The following RTN4RL1 variants were observed in gnomAD, a reference collection of about 807,000 sequenced individuals.
The protein encoded by RTN4RL1 is reticulon 4 receptor like 1.
In RTN4RL1, 7 loss-of-function variants were observed where a neutral mutation model predicts 25.6. That is an observed-to-expected ratio of 0.27 (90% CI 0.16 to 0.51). RTN4RL1 has a LOEUF of 0.51. Among genes scored for constraint, RTN4RL1 ranks in the 20% least tolerant of loss-of-function variants. The probability of loss-of-function intolerance (pLI) is 0.97; values close to 1 mark genes in which losing one functional copy is unlikely to be tolerated. For synonymous variants in RTN4RL1, 297 were observed against 288.2 expected (o/e 1.03, Z -0.31); for missense variants, 500 against 615.6 (o/e 0.81, Z 1.99).
chr17:1,989,295 C>T (rs1238948502), intron 1 of RTN4RL1, among the ~76,000 whole-genome samples: 7 of 151,424 alleles, frequency 4.6e-5, no homozygotes, highest in African/African-American at 9.7e-5. Context: ...GATCCTGCAC[C>T]GCCCTAGATT....
chr17:1,977,764 ACT>A (rs967359540), intron 1 of RTN4RL1, among the ~76,000 whole-genome samples: 4 of 151,742 alleles, frequency 2.6e-5, no homozygotes, highest in East Asian at 1.9e-4. Flanking sequence ...AGGTGTTACA[ACT>A]CTGTCCCAGT....
At chr17:1,972,143 T>A (rs2066823151) in intron 1 of RTN4RL1, among the ~76,000 whole-genome samples, 1 of 143,862 alleles carries the variant, frequency 7.0e-6, no homozygotes, top group Admixed American at 7.0e-5. Context: ...TCTCAAAAAA[T>A]AAAGTAAAAT....
At chr17:2,002,448 T>G (rs7220403) in intron 1 of RTN4RL1, among the ~76,000 whole-genome samples, 1 of 148,000 alleles carries the variant, frequency 6.8e-6, no homozygotes. Context: ...GCCCGCCACC[T>G]CGCCTGGCTA....
chr17:1,952,212 G>A (rs927459598), intron 1 of RTN4RL1, among the ~76,000 whole-genome samples: 3 of 152,144 alleles, frequency 2.0e-5, no homozygotes, highest in African/African-American at 7.2e-5. Context: ...TACCCCCAGG[G>A]GAGTTTGGGG....
At chr17:1,943,430 T>C (rs1915479102) in intron 1 of RTN4RL1, among the ~76,000 whole-genome samples, 1 of 152,238 alleles carries the variant, frequency 6.6e-6, no homozygotes, top group Admixed American at 6.5e-5. Context: ...TGAGCAGGGC[T>C]GGCCCCATGG....
At chr17:1,953,872 T>A (rs762246590) in intron 1 of RTN4RL1, among the ~76,000 whole-genome samples, 5 of 152,178 alleles carry the variant, frequency 3.3e-5, no homozygotes, top group Non-Finnish European at 7.3e-5. Context: ...GCCATTAAAT[T>A]TTTTTTAAAG....
intron 1 of RTN4RL1, among the ~76,000 whole-genome samples, chr17:2,002,103 A>T (rs2066961986): frequency 6.6e-6 from 1 of 151,614 alleles, no homozygotes; most frequent in Non-Finnish European, 1.5e-5. Context: ...AGAAAGAAAT[A>T]CATATTTATT....
At chr17:1,992,917 C>T (rs753547831) in intron 1 of RTN4RL1, among the ~76,000 whole-genome samples, 4 of 152,262 alleles carry the variant, frequency 2.6e-5, no homozygotes, top group Middle Eastern at 3.4e-3. Context: ...TGAATGGATG[C>T]GGCCTGAATG....
At chr17:1,974,040 G>GAAAA (rs57063033) in intron 1 of RTN4RL1, among the ~76,000 whole-genome samples, 2 of 96,974 alleles carry the variant, frequency 2.1e-5, no homozygotes, top group African/African-American at 8.1e-5. Flanking sequence ...CTCCGTCTCA[G>GAAAA]AAAAAAAAAA....
At chr17:1,967,829 C>T (rs1160942998) in intron 1 of RTN4RL1, among the ~76,000 whole-genome samples, 3 of 152,182 alleles carry the variant, frequency 2.0e-5, no homozygotes, top group African/African-American at 2.4e-5. Flanking sequence ...TTAGTAGAGA[C>T]GGGGTTTCAC....
rs1237847563 is a variant in RTN4RL1, at chr17:1,971,976, AAAAT to A, written c.14-34172_14-34169del. ...GACTCCCTCTCAAAAAAAAAAAAAA[AAAAT>A]TTTAAACATTAGCCAGGTGTGGTGG... is the stretch of plus-strand genomic sequence containing the variant. On this transcript the variant is annotated intron_variant, in intron 1 of 1. Transcript: ENST00000331238. 1.7e-3 allele frequency among the ~76,000 whole-genome samples: 251 copies of A among 148,914 alleles called. 20 individuals carry two copies. Among genetic ancestry groups the A allele is most frequent in the African/African-American group, 5.8e-3 (233 of 40,450 alleles).
rs1224441458 is a variant in RTN4RL1, at chr17:1,945,157, G to A, written c.14-7349C>T. Among the ~76,000 whole-genome samples the A allele has an allele frequency of 2.6e-5, 4 of 152,132 alleles. No individual in the cohort carries two copies. The East Asian group carries it at 5.8e-4, about 22-fold the overall frequency. ...GACTCCTGCCCTCACCCCACCATTC[G>A]CAGCTGTCCCTGCCTCTTCCTCAGG... is the stretch of plus-strand genomic sequence containing the variant. On this transcript the variant is annotated intron_variant, in intron 1 of 1. Coordinates refer to ENST00000331238, the MANE Select transcript of RTN4RL1 (RefSeq NM_178568.4).
chr17:1,936,448 G>A lies in RTN4RL1; in HGVS notation c.*48C>T. 2.7e-6 allele frequency: 4 copies of A among 1,491,114 alleles called. No individual in the cohort carries two copies. The highest frequency in any genetic ancestry group is 3.5e-6 in the Non-Finnish European group (4 of 1,130,278). The allele number at this position is 1,491,114 out of a possible 1,614,324, so 92.4% of individuals were successfully genotyped here. A position where few individuals can be genotyped will look rare whatever the true frequency, so the allele number is the denominator to read the frequency against. ...TTAAAAAAAGAAGAAAATAAATTCT[G>A]TTCCTTGGTGGACATGTGGCAGTGC... is the stretch of plus-strand genomic sequence containing the variant. On this transcript the variant is annotated 3_prime_UTR_variant, in exon 2 of 2. Coordinates refer to ENST00000331238, the MANE Select transcript of RTN4RL1 (RefSeq NM_178568.4).
chr17:2,014,805 C>T (rs1301845703), intron 1 of RTN4RL1, among the ~76,000 whole-genome samples: 2 of 151,364 alleles, frequency 1.3e-5, no homozygotes, highest in East Asian at 3.9e-4. Context: ...GCACTCCAGC[C>T]TGGACGACAG....
chr17:1,975,607 C>T (rs773020729), intron 1 of RTN4RL1, among the ~76,000 whole-genome samples: 53 of 151,976 alleles, frequency 3.5e-4, no homozygotes, highest in Middle Eastern at 3.4e-3. Flanking sequence ...GCTGAGATTG[C>T]GCCACTGCAC....
chr17:2,013,130 G>T (rs1412053614), intron 1 of RTN4RL1, among the ~76,000 whole-genome samples: 5 of 152,116 alleles, frequency 3.3e-5, no homozygotes, highest in Non-Finnish European at 7.4e-5. Flanking sequence ...CTGTTTTAGT[G>T]GGGTCCTGAT....
At position 2,022,833 on chromosome 17, in the gene RTN4RL1, GGAA is replaced by G. The variant is rs1286146899; in HGVS notation, c.13+2017_13+2019del. ...TTCAGCCAACCAGGCTGTGCAGGAA[GGAA>G]GAAACAGCCCGAGTGGCAAACACAC... On this transcript the variant is annotated intron_variant, in intron 1 of 1. Coordinates refer to ENST00000331238, the MANE Select transcript of RTN4RL1 (RefSeq NM_178568.4). Among the ~76,000 whole-genome samples, 7 of 152,332 alleles carry G rather than the reference GGAA, an allele frequency of 4.6e-5. No homozygotes were observed. In the East Asian group the frequency reaches 9.7e-4, roughly 21 times the overall value.
intron 1 of RTN4RL1, among the ~76,000 whole-genome samples, chr17:2,016,897 G>A (rs934025575): frequency 6.6e-6 from 1 of 152,180 alleles, no homozygotes; most frequent in Non-Finnish European, 1.5e-5. Flanking sequence ...GCTCAGACAA[G>A]CCCATGAATA....
intron 1 of RTN4RL1, among the ~76,000 whole-genome samples, chr17:2,021,152 C>T (rs2067195814): frequency 6.6e-6 from 1 of 152,148 alleles, no homozygotes; most frequent in South Asian, 2.1e-4. Context: ...CCAGTAGAGT[C>T]CTTTCATTAA....
Sources: allele counts gnomAD v4.1 joint callset (sites outside exome capture counted in the v4.1 genomes callset), GRCh38; gene constraint gnomAD v4.1.1; transcripts MANE v1.5; gene names NCBI Gene and HGNC (gene_info 2026-07-23, HGNC 2026-07-21).